RNF125: variants seen among roughly 807,000 people sequenced by gnomAD.
The protein encoded by RNF125 is E3 ubiquitin-protein ligase RNF125.
A neutral mutation model predicts 26.0 loss-of-function variants in RNF125; 21 were observed. The observed-to-expected ratio is 0.81, with a 90% CI of 0.57 to 1.16. RNF125 has a LOEUF of 1.16. RNF125 is among the 50% of genes most tolerant of loss of function. The pLI is 0.00. For synonymous variants in RNF125, 95 were observed against 109.2 expected (o/e 0.87, Z 0.81); for missense variants, 270 against 299.4 (o/e 0.90, Z 0.72).
chr18:32,090,597 C>T, the RNF125 span, among the ~76,000 whole-genome samples: 1 of 152,218 alleles, frequency 6.6e-6, no homozygotes, highest in Non-Finnish European at 1.5e-5. Context: ...CTATATATTT[C>T]TAATCATTCC....
At chr18:32,087,108 C>T in the RNF125 span, among the ~76,000 whole-genome samples, 3 of 152,102 alleles carry the variant, frequency 2.0e-5, no homozygotes, top group Non-Finnish European at 4.4e-5. Flanking sequence ...CTCTGCACCT[C>T]TTCCCCCATA....
chr18:32,088,903 T>C, the RNF125 span, among the ~76,000 whole-genome samples: 1 of 152,110 alleles, frequency 6.6e-6, no homozygotes, highest in Non-Finnish European at 1.5e-5. Context: ...AAGTAGGGGC[T>C]TCATTCTGGG....
chr18:32,061,129 A>T (rs1184967001), intron 4 of RNF125, among the ~76,000 whole-genome samples: 1 of 152,032 alleles, frequency 6.6e-6, no homozygotes, highest in East Asian at 1.9e-4. Flanking sequence ...GGTTCACGCC[A>T]TTCTCCTGCC....
intron 4 of RNF125, among the ~76,000 whole-genome samples, chr18:32,048,989 G>A (rs903006738): frequency 6.6e-6 from 1 of 152,202 alleles, no homozygotes; most frequent in African/African-American, 2.4e-5. Context: ...AGTACCCAGG[G>A]TGCTGCTTTG....
At chr18:32,083,580 A>C in the RNF125 span, among the ~76,000 whole-genome samples, 1 of 152,200 alleles carries the variant, frequency 6.6e-6, no homozygotes, top group Non-Finnish European at 1.5e-5. Context: ...TGTCCTGGCG[A>C]GGAAGCCGGG....
intron 4 of RNF125, among the ~76,000 whole-genome samples, chr18:32,046,646 A>G (rs2039275343): frequency 6.6e-6 from 1 of 151,722 alleles, no homozygotes; most frequent in African/African-American, 2.4e-5. Flanking sequence ...ACACTACACT[A>G]GAAACAAAAA....
chr18:32,073,883 C>G (rs1280567865), downstream of RNF125, among the ~76,000 whole-genome samples: 4 of 152,150 alleles, frequency 2.6e-5, no homozygotes, highest in African/African-American at 9.7e-5. Context: ...CAGAGGGACA[C>G]TCATGTCTGA....
At chr18:32,062,653 G>T (rs552305377) in intron 4 of RNF125, among the ~76,000 whole-genome samples, 4 of 152,138 alleles carry the variant, frequency 2.6e-5, no homozygotes, top group African/African-American at 9.6e-5. Flanking sequence ...TTTAAATAAA[G>T]AAAAACATTA....
At chr18:32,076,095 C>T (rs1045393904), downstream of RNF125, 3 of 657,534 alleles carry the variant, frequency 4.6e-6, no homozygotes, top group African/African-American at 3.6e-5. Flanking sequence ...GGTTCACAAT[C>T]TTCCCAGCTC....
Position 32,031,486 on chromosome 18 carries a change from G to GAAAAAAAAAAAAA in RNF125, c.165-5616_165-5604dup, listed in dbSNP as rs745809061. 1.6e-3 allele frequency: 33 copies of GAAAAAAAAAAAAA among 20,948 alleles called. 4 individuals are homozygous for GAAAAAAAAAAAAA. The highest frequency in any genetic ancestry group is 3.4e-3 in the African/African-American group (30 of 8,820). 1.3% of individuals were successfully genotyped at this position (20,948 alleles called of 1,614,324 possible). On this transcript the variant is annotated intron_variant, in intron 1 of 5. Coordinates refer to ENST00000217740, the MANE Select transcript of RNF125 (RefSeq NM_017831.4). ...CATTGGCATACAACTCAAATTGTGGGAAAAAAAAAAAAAAAAAAAAAAAAA... is the reference window on the plus strand; with the variant it reads ...CATTGGCATACAACTCAAATTGTGGGAAAAAAAAAAAAAAAAAAAAAAAAAAAAAAAAAAAAAA...
chr18:32,020,415 C>A (rs1008048994), intron 1 of RNF125, among the ~76,000 whole-genome samples: 1 of 151,824 alleles, frequency 6.6e-6, no homozygotes, highest in African/African-American at 2.4e-5. Context: ...AGATCAGGAG[C>A]GGAAGCCTAC....
chr18:32,020,532 G>A (rs1413637085), intron 1 of RNF125, among the ~76,000 whole-genome samples: 2 of 151,506 alleles, frequency 1.3e-5, no homozygotes, highest in Non-Finnish European at 2.9e-5. Context: ...CCGTTATTAT[G>A]AATGCAAGTG....
intron 4 of RNF125, among the ~76,000 whole-genome samples, chr18:32,049,999 G>A (rs1310476098): frequency 6.6e-6 from 1 of 152,102 alleles, no homozygotes; most frequent in Non-Finnish European, 1.5e-5. Context: ...GGATGGGTGT[G>A]GAAGTTAACC....
At chr18:32,052,210 AGTGGCCGGGTGTG>A (rs2039335802) in intron 4 of RNF125, among the ~76,000 whole-genome samples, 2 of 151,766 alleles carry the variant, frequency 1.3e-5, no homozygotes. Flanking sequence ...ATTTGCTTTC[AGTGGCCGGGTGTG>A]GTGGCTCGTG....
intron 4 of RNF125, among the ~76,000 whole-genome samples, chr18:32,050,947 TTG>T (rs2039320897): frequency 7.4e-6 from 1 of 135,820 alleles, no homozygotes; most frequent in South Asian, 2.5e-4. Flanking sequence ...AGTCTCGAAC[TTG>T]TGAGCTCAAG....
chr18:32,075,153 C>T (rs1218421649), downstream of RNF125, among the ~76,000 whole-genome samples: 1 of 152,166 alleles, frequency 6.6e-6, no homozygotes, highest in Admixed American at 6.5e-5. Context: ...TGTATGCCAA[C>T]CTGCCCATTT....
chr18:32,049,916 T>C (rs73954980), intron 4 of RNF125, among the ~76,000 whole-genome samples: 13,899 of 152,010 alleles, frequency 0.091, 2,071 homozygotes, highest in African/African-American at 0.31. Flanking sequence ...TAGGGGTCCC[T>C]AATGGGGACA....
intron 1 of RNF125, among the ~76,000 whole-genome samples, chr18:32,036,743 C>G (rs2039159815): frequency 6.6e-6 from 1 of 152,026 alleles, no homozygotes; most frequent in African/African-American, 2.4e-5. Flanking sequence ...CTGCTATTTT[C>G]TTATGTGACA....
At chr18:32,034,791 C>T (rs546728363) in intron 1 of RNF125, among the ~76,000 whole-genome samples, 7 of 151,104 alleles carry the variant, frequency 4.6e-5, no homozygotes, top group South Asian at 4.2e-4. Flanking sequence ...GGTGCACACC[C>T]GCAATCCCAG....
Sources: allele counts gnomAD v4.1 joint callset (sites outside exome capture counted in the v4.1 genomes callset), GRCh38; gene constraint gnomAD v4.1.1; transcripts MANE v1.5; gene names NCBI Gene and HGNC (gene_info 2026-07-23, HGNC 2026-07-21).